PSMD1: variants seen among roughly 807,000 people sequenced by gnomAD.
PSMD1 encodes the protein 26S proteasome non-ATPase regulatory subunit 1.
Under a neutral mutation model 119.0 loss-of-function variants are expected in PSMD1, and 18 were observed. The observed-to-expected ratio is 0.15, with a 90% CI of 0.10 to 0.22. The LOEUF (loss-of-function observed/expected upper bound fraction) is 0.22, where lower values mean the gene tolerates loss of function less well. Among genes scored for constraint, PSMD1 ranks in the 10% least tolerant of loss-of-function variants. The probability of loss-of-function intolerance (pLI) is 1.00; values close to 1 mark genes in which losing one functional copy is unlikely to be tolerated. For synonymous variants in PSMD1, 374 were observed against 396.6 expected (o/e 0.94, Z 0.68); for missense variants, 702 against 1,158.5 (o/e 0.61, Z 5.72).
intron 16 of PSMD1, chr2:231,113,580 G>T (rs1395885541): frequency 3.9e-6 from 3 of 759,684 alleles, no homozygotes; most frequent in Non-Finnish European, 7.2e-6. Flanking sequence ...TATGATAAAT[G>T]CAGTGACATA....
intron 16 of PSMD1, among the ~76,000 whole-genome samples, chr2:231,137,357 T>C (rs1187824497): frequency 6.6e-6 from 1 of 151,838 alleles, no homozygotes; most frequent in African/African-American, 2.4e-5. Context: ...TCAAGTGATC[T>C]GTCCACCTCA....
In PSMD1 at chr2:231,067,036, C is replaced by G. The variant is rs1693924717; in HGVS notation, c.435C>G (p.His145Gln). The change falls in exon 5 of 25, where the codon CAC (histidine) becomes CAG (glutamine). Residue 145 changes from histidine (H) to glutamine (Q), a missense_variant. This residue lies in a region of PSMD1 where 8 missense variants were observed against 27.1 expected (regional missense o/e 0.30). Transcript: ENST00000308696. The stretch of plus-strand genomic sequence containing the variant: ...TGTTCCAGCGATGTCTAGATGATCA[C>G]AAGTATAAACAGGCTATTGGCATTG... ...NKMFQRCLDD[H>Q]KYKQAIGIAL... 1 of 1,613,790 alleles carries G rather than the reference C, an allele frequency of 6.2e-7. No homozygotes were observed. The highest frequency in any genetic ancestry group is 1.3e-5 in the African/African-American group (1 of 74,890).
intron 16 of PSMD1, among the ~76,000 whole-genome samples, chr2:231,105,497 TC>T (rs1694953601): frequency 6.6e-6 from 1 of 152,028 alleles, no homozygotes. Flanking sequence ...TCTTTGTATA[TC>T]TGTTGATATT....
At position 231,056,886 on chromosome 2, in the gene PSMD1, C is replaced by G. The variant is rs1348336955; in HGVS notation, c.-140C>G. The G allele has an allele frequency of 8.4e-7, 1 of 1,197,290 alleles. No individual in the cohort carries two copies. Among genetic ancestry groups the G allele is most frequent in the South Asian group, 1.3e-5 (1 of 75,542 alleles). 74.2% of individuals were successfully genotyped at this position (1,197,290 alleles called of 1,614,324 possible). A position where few individuals can be genotyped will look rare whatever the true frequency, so the allele number is the denominator to read the frequency against. On this transcript the variant is annotated 5_prime_UTR_variant, in exon 1 of 25. Transcript: ENST00000308696. ...GGCGGGGTCCTGGCGAGAAGCGAGC[C>G]GGCGGCCTGAGGAGGCGACTGACTG...
intron 16 of PSMD1, among the ~76,000 whole-genome samples, chr2:231,118,048 A>T (rs1003785107): frequency 6.6e-6 from 1 of 152,068 alleles, no homozygotes; most frequent in African/African-American, 2.4e-5. Context: ...GGTTTAAATC[A>T]TGTCTCTGCC....
intron 16 of PSMD1, among the ~76,000 whole-genome samples, chr2:231,135,389 C>G (rs1484646378): frequency 1.3e-5 from 2 of 152,128 alleles, no homozygotes; most frequent in Non-Finnish European, 2.9e-5. Context: ...TACAGAACTT[C>G]TAGTCCCATT....
At chr2:231,108,191 A>C (rs535286725) in intron 16 of PSMD1, 4 of 275,568 alleles carry the variant, frequency 1.5e-5, no homozygotes, top group African/African-American at 4.5e-5. Context: ...ACAACTTTGC[A>C]TATAATTAGA....
At chr2:231,149,073 G>A (rs149140415) in intron 18 of PSMD1, among the ~76,000 whole-genome samples, 3,133 of 152,310 alleles carry the variant, frequency 0.021, 52 homozygotes, top group Non-Finnish European at 0.029. Context: ...ATTCACAATG[G>A]AAATTCCCAA....
intron 16 of PSMD1, among the ~76,000 whole-genome samples, chr2:231,088,749 C>T (rs1021815703): frequency 1.3e-5 from 2 of 152,170 alleles, no homozygotes; most frequent in Non-Finnish European, 2.9e-5. Context: ...CAGTTAATAA[C>T]CCTACATGGC....
At chr2:231,134,330 C>T (rs1224285361) in intron 16 of PSMD1, among the ~76,000 whole-genome samples, 1 of 152,146 alleles carries the variant, frequency 6.6e-6, no homozygotes, top group African/African-American at 2.4e-5. Flanking sequence ...AGGAAGGAGA[C>T]TCTGATCCAA....
At position 231,067,119 on chromosome 2, in the gene PSMD1, G is replaced by A; in HGVS notation, c.510+8G>A. On this transcript the variant is annotated splice_region_variant and intron_variant, in intron 5 of 24. Coordinates refer to ENST00000308696, the MANE Select transcript of PSMD1 (RefSeq NM_002807.4). ...AAGACCATACTGGAGTCGGTAGGTA[G>A]ATGATGTTATTTTAGAAATTATTGT... The A allele has an allele frequency of 1.3e-6, 2 of 1,552,708 alleles. No individual in the cohort carries two copies. The highest frequency in any genetic ancestry group is 1.7e-6 in the Non-Finnish European group (2 of 1,152,788).
At chr2:231,082,333 C>G (rs191227454) in intron 12 of PSMD1, among the ~76,000 whole-genome samples, 4 of 152,268 alleles carry the variant, frequency 2.6e-5, no homozygotes, top group African/African-American at 9.6e-5. Flanking sequence ...CCTAAAGTGC[C>G]GGGATTACAA....
intron 20 of PSMD1, chr2:231,162,964 T>TG (rs1159484252): frequency 6.6e-6 from 1 of 151,708 alleles, no homozygotes; most frequent in Non-Finnish European, 1.5e-5. Flanking sequence ...CCGGGCATGG[T>TG]GGCGGGCACC....
intron 17 of PSMD1, among the ~76,000 whole-genome samples, chr2:231,143,194 GTTT>G (rs1696169438): frequency 6.5e-5 from 1 of 15,436 alleles, no homozygotes; most frequent in Non-Finnish European, 4.7e-4. Flanking sequence ...TGTGGGTTTG[GTTT>G]GGTTTGGTTT....
chr2:231,092,769 T>C (rs1211955529), intron 16 of PSMD1, among the ~76,000 whole-genome samples: 2 of 152,242 alleles, frequency 1.3e-5, no homozygotes, highest in Admixed American at 1.3e-4. Flanking sequence ...TCCATTACTT[T>C]CCTGGCTATG....
At chr2:231,075,884 C>G (rs1574710227) in intron 8 of PSMD1, among the ~76,000 whole-genome samples, 1 of 152,240 alleles carries the variant, frequency 6.6e-6, no homozygotes, top group East Asian at 1.9e-4. Context: ...AGCCAAGCCA[C>G]CATGCCCAGC....
At chr2:231,101,109 T>C (rs79471097) in intron 16 of PSMD1, among the ~76,000 whole-genome samples, 3,315 of 152,246 alleles carry the variant, frequency 0.022, 132 homozygotes, top group African/African-American at 0.075. Context: ...TGCATTTGTT[T>C]AGCACAGATT....
chr2:231,137,063 ATTT>A (rs1049195796), intron 16 of PSMD1, among the ~76,000 whole-genome samples: 1 of 144,818 alleles, frequency 6.9e-6, no homozygotes, highest in African/African-American at 2.5e-5. Flanking sequence ...AAATATATAT[ATTT>A]TTATGTATAA....
chr2:231,111,697 G>A lies in PSMD1; in HGVS notation c.1883+24516G>A, dbSNP rs113445430. ...ACAAAGTGCAATGAAGTGAAAGAGC[G>A]TTGATTTTGGCCTTGGTGCTGAAAA... On this transcript the variant is annotated intron_variant, in intron 16 of 24. Coordinates refer to ENST00000308696, the MANE Select transcript of PSMD1 (RefSeq NM_002807.4). 5.3e-5 allele frequency among the ~76,000 whole-genome samples: 8 copies of A among 152,206 alleles called. No individual in the cohort carries two copies. In the East Asian group the frequency reaches 5.8e-4, roughly 11 times the overall value.
Sources: gnomAD v4.1 joint callset for allele counts (sites outside exome capture counted in the v4.1 genomes callset) on GRCh38, gnomAD v4.1.1 for gene constraint, gnomAD v4.1.1 regional missense constraint, MANE v1.5 for transcripts, NCBI Gene and HGNC (gene_info 2026-07-23, HGNC 2026-07-21) for gene names.